Variants in TRPA1 observed in about 807,000 individuals in gnomAD.
TRPA1 encodes the protein ankyrin-like with transmembrane domains 1.
In TRPA1, 129 loss-of-function variants were observed where a neutral mutation model predicts 131.3. The ratio of observed to expected loss-of-function variants is 0.98; its 90% CI spans 0.85 to 1.14. The LOEUF (loss-of-function observed/expected upper bound fraction) is 1.14, where lower values mean the gene tolerates loss of function less well. TRPA1 is among the 50% of genes most tolerant of loss of function. The pLI is 0.00. For missense variants in TRPA1, 1,304 were observed against 1,354.2 expected, an observed-to-expected ratio of 0.96 and a Z score of 0.58; for synonymous variants, 441 against 451.7, an observed-to-expected ratio of 0.98 and a Z score of 0.30.
intron 1 of TRPA1, among the ~76,000 whole-genome samples, chr8:72,072,719 G>C (rs1806093219): frequency 6.6e-6 from 1 of 152,142 alleles, no homozygotes; most frequent in Non-Finnish European, 1.5e-5. Context: ...ACTTGAATTT[G>C]ATATGCTCTT....
In TRPA1 at chr8:72,047,299, T is replaced by C. The variant is rs1262128637; in HGVS notation, c.1906-92A>G. 5 of 917,634 alleles carry C rather than the reference T, an allele frequency of 5.4e-6. No individual in the cohort carries two copies. The South Asian group carries it at 7.0e-5, about 13-fold the overall frequency. 56.8% of individuals were successfully genotyped at this position (917,634 alleles called of 1,614,324 possible). On this transcript the variant is annotated intron_variant, in intron 15 of 26. Transcript: ENST00000262209. ...TATTTCTGAAATAATACACAAGACA[T>C]TCCCTTTCCTTTCCTTGGTTTCTTG...
chr8:72,073,969 T>C (rs1806119899), intron 1 of TRPA1, among the ~76,000 whole-genome samples: 1 of 152,204 alleles, frequency 6.6e-6, no homozygotes, highest in Non-Finnish European at 1.5e-5. Flanking sequence ...GTGTGTGTGA[T>C]TAACTATACA....
the TRPA1 span, among the ~76,000 whole-genome samples, chr8:72,088,049 C>G: frequency 6.6e-6 from 1 of 152,202 alleles, no homozygotes; most frequent in South Asian, 2.1e-4. Context: ...CTGCCTGTTG[C>G]TTAGTACAGA....
At chr8:72,057,149 T>G (rs1805688717) in intron 9 of TRPA1, 132 bp from the exon 10 acceptor site, 1 of 708,092 alleles carries the variant, frequency 1.4e-6, no homozygotes, top group Non-Finnish European at 2.4e-6. Context: ...AAATTGTGTT[T>G]AGATGAGAAA....
Position 72,023,038 on chromosome 8 carries a change from A to C in TRPA1, c.3228T>G (p.Ser1076=). Residue 1076 remains serine, a synonymous_variant, in exon 27 of 27, where the codon TCT becomes TCG. Coordinates refer to ENST00000262209, the MANE Select transcript of TRPA1 (RefSeq NM_007332.3). The stretch of plus-strand genomic sequence containing the variant: ...AATGGCTATCATCATCCTCTGTCTC[A>C]GAGATGATCTCCATCTTCTGAATGA... ...KLIIQKMEII[S]ETEDDDSHCS... The C allele has an allele frequency of 6.2e-7, 1 of 1,613,764 alleles. No individual in the cohort carries two copies. Among genetic ancestry groups the C allele is most frequent in the Middle Eastern group, 1.6e-4 (1 of 6,062 alleles).
chr8:72,089,322 C>G, the TRPA1 span, among the ~76,000 whole-genome samples: 1 of 152,054 alleles, frequency 6.6e-6, no homozygotes, highest in Non-Finnish European at 1.5e-5. Flanking sequence ...TAAAAATCTT[C>G]TATGGTGCAA....
chr8:72,027,428 C>T (rs545398637), intron 24 of TRPA1, among the ~76,000 whole-genome samples: 16 of 152,124 alleles, frequency 1.1e-4, no homozygotes, highest in East Asian at 1.9e-4. Flanking sequence ...ATGCACGCTG[C>T]GGATTTCCCT....
upstream of TRPA1, among the ~76,000 whole-genome samples, chr8:72,076,869 T>A (rs150851363): frequency 3.3e-5 from 5 of 152,294 alleles, no homozygotes; most frequent in Non-Finnish European, 7.3e-5. Context: ...ACCTTTGCAC[T>A]CTTTTCTCAT....
intron 24 of TRPA1, chr8:72,029,639 A>G (rs1811735475): frequency 1.8e-6 from 1 of 567,634 alleles, no homozygotes; most frequent in Admixed American, 3.0e-5. Context: ...TAGAATCTGT[A>G]CTTCAAATTT....
At chr8:72,059,914 A>G (rs1293594366) in intron 7 of TRPA1, among the ~76,000 whole-genome samples, 1 of 152,188 alleles carries the variant, frequency 6.6e-6, no homozygotes, top group Non-Finnish European at 1.5e-5. Context: ...TATGAAGCCA[A>G]AAATAATTAT....
upstream of TRPA1, among the ~76,000 whole-genome samples, chr8:72,080,061 T>A (rs929660226): frequency 3.3e-5 from 5 of 151,938 alleles, no homozygotes; most frequent in African/African-American, 1.2e-4. Context: ...AAGAGACTTT[T>A]TAGAATCTTA....
chr8:72,022,687 A>G lies in TRPA1; in HGVS notation c.*219T>C. The G allele has an allele frequency of 1.6e-6, 1 of 607,544 alleles. No individual in the cohort carries two copies. Among genetic ancestry groups the G allele is most frequent in the Non-Finnish European group, 2.9e-6 (1 of 339,814 alleles). The allele number at this position is 607,544 out of a possible 1,614,324, so 37.6% of individuals were successfully genotyped here. ...TTATATCTCATCAAAGTCCAGTCCA[A>G]TTTGAACATATCTGCAAAGATATCC... On this transcript the variant is annotated 3_prime_UTR_variant, in exon 27 of 27. Coordinates refer to ENST00000262209, the MANE Select transcript of TRPA1 (RefSeq NM_007332.3).
At chr8:72,064,841 CA>C (rs1168056025) in intron 4 of TRPA1, among the ~76,000 whole-genome samples, 4 of 15,318 alleles carry the variant, frequency 2.6e-4, no homozygotes, top group Non-Finnish European at 3.6e-4. Context: ...TGTAGACAAT[CA>C]TCTCCATCAT....
intron 3 of TRPA1, among the ~76,000 whole-genome samples, chr8:72,067,063 T>C (rs1000386047): frequency 6.6e-6 from 1 of 152,214 alleles, no homozygotes; most frequent in African/African-American, 2.4e-5. Flanking sequence ...ATATTATGCA[T>C]ACCATAAATC....
chr8:72,075,349 C>A lies in TRPA1; in HGVS notation c.61G>T (p.Val21Phe), dbSNP rs954547102. The A allele has an allele frequency of 6.2e-7, 1 of 1,613,128 alleles. No homozygotes were observed. The highest frequency in any genetic ancestry group is 1.3e-5 in the African/African-American group (1 of 75,048). Reference protein sequence around the residue: ...PGEKKEPQGVVYEDVPDDTED... With the variant: ...PGEKKEPQGVFYEDVPDDTED... ...GTGTCGTCCGGCACATCCTCATAGA[C>A]AACGCCCTGGGGCTCCTTCTTTTCT... is the stretch of plus-strand genomic sequence containing the variant. The change falls in exon 1 of 27, where the codon GTC (valine) becomes TTC (phenylalanine). Residue 21 changes from valine (V) to phenylalanine (F), a missense_variant. Physicochemically the swap from Val to Phe is conservative, Grantham distance 50. Coordinates refer to ENST00000262209, the MANE Select transcript of TRPA1 (RefSeq NM_007332.3).
rs1159982035 is a variant in TRPA1, at chr8:72,022,832, C to T, written c.*74G>A. 5 of 1,372,710 alleles carry T rather than the reference C, an allele frequency of 3.6e-6. No homozygotes were observed. The allele number at this position is 1,372,710 out of a possible 1,614,324, so 85.0% of individuals were successfully genotyped here. A position where few individuals can be genotyped will look rare whatever the true frequency, so the allele number is the denominator to read the frequency against. On this transcript the variant is annotated 3_prime_UTR_variant, in exon 27 of 27. Coordinates refer to ENST00000262209, the MANE Select transcript of TRPA1 (RefSeq NM_007332.3). ...AATGAATCATTCTGCTTCTTCCTCACTCTTTTTAAATTGAAAGTTAGAACC... is the reference window on the plus strand; with the variant it reads ...AATGAATCATTCTGCTTCTTCCTCATTCTTTTTAAATTGAAAGTTAGAACC...
rs1305893454 is a variant in TRPA1, at chr8:72,071,803, C to CA, written c.175dup (p.Cys59LeufsTer2). The CA allele has an allele frequency of 6.2e-7, 1 of 1,613,248 alleles. No homozygotes were observed. The highest frequency in any genetic ancestry group is 8.5e-7 in the Non-Finnish European group (1 of 1,179,778). Reference sequence around the variant, plus strand: ...CAAGAAGAAGGTGTCCATATCGTCACATCTTTTTAATTTCTTTTGCTTATT... The same window carrying CA: ...CAAGAAGAAGGTGTCCATATCGTCACAATCTTTTTAATTTCTTTTGCTTATT... On this transcript the variant is annotated frameshift_variant, in exon 2 of 27. Coordinates refer to ENST00000262209, the MANE Select transcript of TRPA1 (RefSeq NM_007332.3). LOFTEE classifies it high-confidence loss of function.
rs369231259 is a variant in TRPA1, at chr8:72,057,835, A to G, written c.994-19T>C. 12 of 1,565,690 alleles carry G rather than the reference A, an allele frequency of 7.7e-6. No individual in the cohort carries two copies. The highest frequency in any genetic ancestry group is 1.7e-5 in the Admixed American group (1 of 59,900). On this transcript the variant is annotated intron_variant, in intron 8 of 26. Transcript: ENST00000262209. ...CTGCTCCCTAAAAATCAAACAAACC[A>G]TTCAACAAAGAGCTTAGAAACAGAT...
At chr8:72,086,651 A>G in the TRPA1 span, among the ~76,000 whole-genome samples, 1 of 152,120 alleles carries the variant, frequency 6.6e-6, no homozygotes, top group East Asian at 1.9e-4. Context: ...TTTATAAGTT[A>G]TTTTATTTTC....
Sources: allele counts gnomAD v4.1 joint callset (sites outside exome capture counted in the v4.1 genomes callset), GRCh38; gene constraint gnomAD v4.1.1; transcripts MANE v1.5; gene names NCBI Gene and HGNC (gene_info 2026-07-23, HGNC 2026-07-21).